The following LRRC75A variants were observed in gnomAD, a reference collection of about 807,000 sequenced individuals.
LRRC75A encodes leucine rich repeat containing 75A, also known as leucine-rich repeat-containing protein 75A.
In LRRC75A, 12 loss-of-function variants were observed where a neutral mutation model predicts 26.0. The ratio of observed to expected loss-of-function variants is 0.46; its 90% CI spans 0.30 to 0.75. The LOEUF is 0.75. Ranked by LOEUF, LRRC75A falls within the 30% of genes least tolerant of loss-of-function variation. LRRC75A has a pLI of 0.08. For synonymous variants in LRRC75A, 223 were observed against 219.3 expected (o/e 1.02, Z -0.15); for missense variants, 410 against 486.6 (o/e 0.84, Z 1.48).
Position 16,442,091 on chromosome 17 carries a change from C to T in LRRC75A, c.*1497G>A, listed in dbSNP as rs1460862897. ...GTCAGATATTAGCAGTCCAGATATT[C>T]GCTCTAGCTTGTAAACTTCCCTGTG... On this transcript the variant is annotated 3_prime_UTR_variant, in exon 4 of 4. Coordinates refer to ENST00000470794, the MANE Select transcript of LRRC75A (RefSeq NM_001113567.3). 3 of 152,328 alleles carry T rather than the reference C, an allele frequency of 2.0e-5. No homozygotes were observed. Among genetic ancestry groups the T allele is most frequent in the African/African-American group, 7.2e-5 (3 of 41,454 alleles). 9.4% of individuals were successfully genotyped at this position (152,328 alleles called of 1,614,324 possible).
chr17:16,455,528 G>T (rs753590474), intron 2 of LRRC75A, among the ~76,000 whole-genome samples: 3 of 151,984 alleles, frequency 2.0e-5, no homozygotes, highest in African/African-American at 4.8e-5. Context: ...ACAGGCACCC[G>T]CCATCCATGC....
intron 1 of LRRC75A, chr17:16,470,500 G>T (rs919923920): frequency 6.6e-6 from 1 of 152,254 alleles, no homozygotes; most frequent in African/African-American, 2.4e-5. Context: ...GCAGGAAGCA[G>T]AACCAGGCTG....
At chr17:16,468,827 T>C (rs979221467) in intron 1 of LRRC75A, among the ~76,000 whole-genome samples, 2 of 152,290 alleles carry the variant, frequency 1.3e-5, no homozygotes, top group East Asian at 3.9e-4. Flanking sequence ...AGGTTGAGGC[T>C]GAAGTGGGCT....
At chr17:16,456,238 G>T (rs1291782917) in intron 2 of LRRC75A, among the ~76,000 whole-genome samples, 1 of 139,880 alleles carries the variant, frequency 7.1e-6, no homozygotes, top group Non-Finnish European at 1.6e-5. Context: ...GAGGAGAAAG[G>T]AGGAGAAGAA....
intron 1 of LRRC75A, among the ~76,000 whole-genome samples, chr17:16,464,556 C>T (rs758763216): frequency 9.2e-5 from 14 of 152,196 alleles, no homozygotes; most frequent in Non-Finnish European, 1.9e-4. Flanking sequence ...GCAGCAGTGC[C>T]CTTTCTACTA....
intron 1 of LRRC75A, among the ~76,000 whole-genome samples, chr17:16,486,975 G>A (rs1322571516): frequency 3.3e-5 from 5 of 152,202 alleles, no homozygotes; most frequent in Non-Finnish European, 7.3e-5. Flanking sequence ...TATGCCACGA[G>A]CCTACAGGTT....
chr17:16,488,316 G>A (rs1407505936), intron 1 of LRRC75A, among the ~76,000 whole-genome samples: 1 of 152,214 alleles, frequency 6.6e-6, no homozygotes, highest in Non-Finnish European at 1.5e-5. Context: ...CGCTCCAGAT[G>A]CTTCTAAATG....
chr17:16,464,302 C>T (rs989529507), intron 1 of LRRC75A, among the ~76,000 whole-genome samples: 2 of 152,216 alleles, frequency 1.3e-5, no homozygotes, highest in South Asian at 2.1e-4. Flanking sequence ...GAAGCACTGG[C>T]TGGTACAGGT....
At chr17:16,479,193 T>G (rs1285145583) in intron 1 of LRRC75A, among the ~76,000 whole-genome samples, 1 of 152,052 alleles carries the variant, frequency 6.6e-6, no homozygotes, top group Non-Finnish European at 1.5e-5. Flanking sequence ...AGACAAGGAG[T>G]GGCCTGTGCA....
chr17:16,460,312 C>A (rs1369147080), intron 2 of LRRC75A, among the ~76,000 whole-genome samples: 1 of 152,202 alleles, frequency 6.6e-6, no homozygotes, highest in Non-Finnish European at 1.5e-5. Flanking sequence ...CCACAACAAC[C>A]CAGGTATGCA....
At chr17:16,446,215 T>C (rs529209526) in intron 3 of LRRC75A, among the ~76,000 whole-genome samples, 1 of 152,332 alleles carries the variant, frequency 6.6e-6, no homozygotes, top group African/African-American at 2.4e-5. Context: ...AGCCCATTTG[T>C]TCTTTTAACA....
In LRRC75A at chr17:16,492,004, G is replaced by A. The variant is rs1278077099; in HGVS notation, c.-14C>T. The stretch of plus-strand genomic sequence containing the variant: ...CCGGGTGCCCATGCCGCCGCCGCCC[G>A]CCGGGACTCTCCGCTCTGGGCCGCG... On this transcript the variant is annotated 5_prime_UTR_variant, in exon 1 of 4. Coordinates refer to ENST00000470794, the MANE Select transcript of LRRC75A (RefSeq NM_001113567.3). 8.6e-7 allele frequency: 1 copy of A among 1,160,172 alleles called. No individual in the cohort carries two copies. The highest frequency in any genetic ancestry group is 1.1e-6 in the Non-Finnish European group (1 of 945,294). 71.9% of individuals were successfully genotyped at this position (1,160,172 alleles called of 1,614,324 possible). A position where few individuals can be genotyped will look rare whatever the true frequency, so the allele number is the denominator to read the frequency against.
intron 2 of LRRC75A, among the ~76,000 whole-genome samples, chr17:16,458,193 G>A (rs993184587): frequency 1.3e-5 from 2 of 152,060 alleles, no homozygotes; most frequent in African/African-American, 4.8e-5. Context: ...GTAATCCCAA[G>A]CTACTTGGGA....
At chr17:16,452,660 T>A (rs2093642493) in intron 2 of LRRC75A, among the ~76,000 whole-genome samples, 1 of 152,010 alleles carries the variant, frequency 6.6e-6, no homozygotes, top group Non-Finnish European at 1.5e-5. Context: ...GGTCTCGAAC[T>A]CCTGACCTCG....
intron 1 of LRRC75A, among the ~76,000 whole-genome samples, chr17:16,488,408 T>C (rs543139403): frequency 6.6e-6 from 1 of 152,350 alleles, no homozygotes; most frequent in South Asian, 2.1e-4. Context: ...TGAGAAAGGA[T>C]GCCACAACCC....
intron 1 of LRRC75A, among the ~76,000 whole-genome samples, chr17:16,475,620 T>G (rs1022559612): frequency 2.0e-5 from 3 of 152,194 alleles, no homozygotes; most frequent in Non-Finnish European, 4.4e-5. Context: ...GGTGTGATCC[T>G]AGCTCACTGC....
intron 3 of LRRC75A, among the ~76,000 whole-genome samples, chr17:16,445,991 T>A (rs2093581384): frequency 6.6e-6 from 1 of 152,176 alleles, no homozygotes; most frequent in South Asian, 2.1e-4. Flanking sequence ...TCACTGCAAC[T>A]TCCGCCTCCC....
At chr17:16,449,749 T>G (rs2143012930) in intron 2 of LRRC75A, among the ~76,000 whole-genome samples, 1 of 152,290 alleles carries the variant, frequency 6.6e-6, no homozygotes, top group South Asian at 2.1e-4. Context: ...CCCGAGTAGT[T>G]GGGATTACAG....
chr17:16,486,391 C>T (rs1349715484), intron 1 of LRRC75A, among the ~76,000 whole-genome samples: 1 of 152,206 alleles, frequency 6.6e-6, no homozygotes, highest in African/African-American at 2.4e-5. Flanking sequence ...CGTGCTTAGC[C>T]ACTACAGAGG....
Sources: allele counts gnomAD v4.1 joint callset (sites outside exome capture counted in the v4.1 genomes callset), GRCh38; gene constraint gnomAD v4.1.1; transcripts MANE v1.5; gene names NCBI Gene and HGNC (gene_info 2026-07-23, HGNC 2026-07-21).